ZNF438: variants seen among roughly 807,000 people sequenced by gnomAD.
ZNF438 encodes zinc finger protein 438.
In ZNF438, 25 loss-of-function variants were observed where a neutral mutation model predicts 38.0. The ratio of observed to expected loss-of-function variants is 0.66; its 90% CI spans 0.48 to 0.92. The LOEUF (loss-of-function observed/expected upper bound fraction) is 0.92. Among genes scored for constraint, ZNF438 ranks in the 40% least tolerant of loss-of-function variants. The pLI, the probability that ZNF438 is intolerant of heterozygous loss-of-function variation, is 0.00. For synonymous variants in ZNF438, 372 were observed against 364.1 expected (o/e 1.02, Z -0.25); for missense variants, 1,007 against 999.6 (o/e 1.01, Z -0.10).
At chr10:31,026,038 T>C (rs1357034676) in intron 1 of ZNF438, among the ~76,000 whole-genome samples, 1 of 152,122 alleles carries the variant, frequency 6.6e-6, no homozygotes. Context: ...CTAGCCATAT[T>C]GAGAAAGCTG....
At chr10:31,023,050 A>G in intron 1 of ZNF438, among the ~76,000 whole-genome samples, 1 of 152,346 alleles carries the variant, frequency 6.6e-6, no homozygotes, top group Admixed American at 6.5e-5. Flanking sequence ...TTTTGCACCA[A>G]CCTAATACTT....
At chr10:30,969,340 A>G (rs1433970358) in intron 1 of ZNF438, among the ~76,000 whole-genome samples, 1 of 152,198 alleles carries the variant, frequency 6.6e-6, no homozygotes, top group Non-Finnish European at 1.5e-5. Context: ...GTGTTTTCAT[A>G]TACTAAATGG....
chr10:31,030,779 A>G (rs1052215165), intron 1 of ZNF438, among the ~76,000 whole-genome samples: 5 of 152,254 alleles, frequency 3.3e-5, no homozygotes, highest in Admixed American at 2.0e-4. Flanking sequence ...CCTGAAGACT[A>G]CTAGTCCCGG....
intron 3 of ZNF438, among the ~76,000 whole-genome samples, chr10:30,902,505 C>A (rs2042129128): frequency 6.6e-6 from 1 of 152,066 alleles, no homozygotes; most frequent in Non-Finnish European, 1.5e-5. Flanking sequence ...AGACACAGAG[C>A]ACTGACTGGT....
intron 1 of ZNF438, among the ~76,000 whole-genome samples, chr10:30,983,450 C>T (rs1188089110): frequency 6.6e-6 from 1 of 152,052 alleles, no homozygotes; most frequent in African/African-American, 2.4e-5. Flanking sequence ...GTGTTACACA[C>T]TTTTAAACAA....
intron 1 of ZNF438, among the ~76,000 whole-genome samples, chr10:31,026,741 G>C (rs2133387225): frequency 6.6e-6 from 1 of 152,184 alleles, no homozygotes; most frequent in South Asian, 2.1e-4. Context: ...CCATGACTGG[G>C]TATATACCCA....
chr10:30,906,768 T>C (rs1285742982), intron 3 of ZNF438, among the ~76,000 whole-genome samples: 1 of 152,232 alleles, frequency 6.6e-6, no homozygotes, highest in Non-Finnish European at 1.5e-5. Flanking sequence ...TCAGTGTTTG[T>C]ATGATAAAAG....
intron 1 of ZNF438, among the ~76,000 whole-genome samples, chr10:30,984,685 T>TA (rs2052577900): frequency 6.6e-6 from 1 of 152,158 alleles, no homozygotes; most frequent in Non-Finnish European, 1.5e-5. Context: ...CCACAATGAA[T>TA]AAAACTGGCT....
At chr10:31,018,864 G>A (rs186461101) in intron 1 of ZNF438, among the ~76,000 whole-genome samples, 2 of 152,298 alleles carry the variant, frequency 1.3e-5, no homozygotes, top group Admixed American at 1.3e-4. Context: ...TAGGGGGAAA[G>A]GGAGAGGGGT....
At position 30,946,971 on chromosome 10, in the gene ZNF438, T is replaced by C. The variant is rs143340692; in HGVS notation, c.-191-5320A>G. On this transcript the variant is annotated intron_variant, in intron 1 of 5. Transcript: ENST00000413025. The stretch of plus-strand genomic sequence containing the variant: ...ACTTCAAATATTATACCACGTCACA[T>C]ACAAAATATAAAAACTTTGTAATAA... Among the ~76,000 whole-genome samples, 379 of 152,338 alleles carry C rather than the reference T, an allele frequency of 2.5e-3. 1 individual carries two copies. The highest frequency in any genetic ancestry group is 8.6e-3 in the African/African-American group (356 of 41,588).
chr10:30,984,103 T>A (rs1197252393), intron 1 of ZNF438, among the ~76,000 whole-genome samples: 1 of 152,184 alleles, frequency 6.6e-6, no homozygotes, highest in East Asian at 1.9e-4. Context: ...CTACATGCCA[T>A]ACTTCTATGT....
In ZNF438 at chr10:30,933,812, T is replaced by C. The variant is rs550410100; in HGVS notation, c.-115+7763A>G. ...ATTGCAGCTACCCATCTACCAGATA[T>C]AGAAAGCAGGCACAGTGGGGGCACT... On this transcript the variant is annotated intron_variant, in intron 2 of 5. Coordinates refer to ENST00000413025, the Ensembl canonical transcript of ZNF438. 5.0e-3 allele frequency among the ~76,000 whole-genome samples: 759 copies of C among 152,190 alleles called. 7 individuals are homozygous for C. The highest frequency in any genetic ancestry group is 0.034 in the Middle Eastern group (10 of 294).
At chr10:31,030,778 T>G (rs2057237487) in intron 1 of ZNF438, among the ~76,000 whole-genome samples, 1 of 152,240 alleles carries the variant, frequency 6.6e-6, no homozygotes, top group Non-Finnish European at 1.5e-5. Context: ...TCCTGAAGAC[T>G]ACTAGTCCCG....
intron 1 of ZNF438, among the ~76,000 whole-genome samples, chr10:30,966,220 C>G (rs933241474): frequency 5.3e-5 from 8 of 151,892 alleles, no homozygotes; most frequent in African/African-American, 1.7e-4. Flanking sequence ...ATCTCAGGTA[C>G]TTAGGAGGCT....
At chr10:30,941,245 T>C (rs916682806) in intron 2 of ZNF438, among the ~76,000 whole-genome samples, 2 of 152,092 alleles carry the variant, frequency 1.3e-5, no homozygotes, top group Non-Finnish European at 1.5e-5. Context: ...CTAATTTTTG[T>C]AGTTTTAGTA....
intron 2 of ZNF438, among the ~76,000 whole-genome samples, chr10:30,937,828 T>C (rs1564683141): frequency 6.6e-6 from 1 of 152,238 alleles, no homozygotes; most frequent in South Asian, 2.1e-4. Context: ...TCATTTATCT[T>C]GGCAAACACC....
Position 30,972,966 on chromosome 10 carries a change from T to C in ZNF438, c.-191-31315A>G, listed in dbSNP as rs1449745775. 2.6e-5 allele frequency among the ~76,000 whole-genome samples: 4 copies of C among 152,326 alleles called. No homozygotes were observed. In the East Asian group the frequency reaches 5.8e-4, roughly 22 times the overall value. On this transcript the variant is annotated intron_variant, in intron 1 of 5. Coordinates refer to ENST00000413025, the Ensembl canonical transcript of ZNF438. ...GAGGGCAATTCAATCATCATCATCA[T>C]CATCATCATCTTCATCATCAGCTGA...
intron 1 of ZNF438, among the ~76,000 whole-genome samples, chr10:30,942,506 A>C (rs1045355375): frequency 6.6e-6 from 1 of 152,232 alleles, no homozygotes; most frequent in Non-Finnish European, 1.5e-5. Flanking sequence ...GAAAGTGAGA[A>C]GCAGAATAAC....
At chr10:31,021,676 T>A (rs2056606143) in intron 1 of ZNF438, among the ~76,000 whole-genome samples, 1 of 152,188 alleles carries the variant, frequency 6.6e-6, no homozygotes, top group South Asian at 2.1e-4. Context: ...AGCGATTTTC[T>A]TATTCGGGGT....
Sources: gnomAD v4.1 joint callset for allele counts (sites outside exome capture counted in the v4.1 genomes callset) on GRCh38, gnomAD v4.1.1 for gene constraint, MANE v1.5 for transcripts, NCBI Gene and HGNC (gene_info 2026-07-23, HGNC 2026-07-21) for gene names.